CDK3: variants seen among roughly 807,000 people sequenced by gnomAD.
CDK3 encodes the protein cyclin-dependent kinase 3.
In CDK3, 24 loss-of-function variants were observed where a neutral mutation model predicts 30.2. That is an observed-to-expected ratio of 0.79 (90% CI 0.57 to 1.12). CDK3 has a LOEUF of 1.12. CDK3 is among the 50% of genes most tolerant of loss of function. The probability of loss-of-function intolerance (pLI) is 0.00; values close to 1 mark genes in which losing one functional copy is unlikely to be tolerated. For synonymous variants in CDK3, 158 were observed against 154.2 expected, an observed-to-expected ratio of 1.02 and a Z score of -0.18; for missense variants, 345 against 376.0, an observed-to-expected ratio of 0.92 and a Z score of 0.68.
At chr17:76,003,102 A>G in intron 6 of CDK3, 93 bp from the exon 7 acceptor site, 1 of 977,122 alleles carries the variant, frequency 1.0e-6, no homozygotes. Context: ...AGATATCTTG[A>G]CAGGCCTCTC....
At position 76,002,370 on chromosome 17, in the gene CDK3, C is replaced by T. The variant is rs144754110; in HGVS notation, c.438C>T (p.Phe146=). ...NELGAIKLAD[F]GLARAFGVPL... is the part of the protein sequence containing the mutation. ...TGGGTGCCATCAAGCTGGCTGACTT[C>T]GGCCTGGCTCGCGCCTTCGGGGTGC... Residue 146 remains phenylalanine (F), a synonymous_variant, in exon 5 of 8, where the codon TTC becomes TTT. Transcript: ENST00000448471. This position sits in a 1 kb window ranked among gnomAD's most constrained non-coding sequence, Gnocchi z 4.3. 2.6e-4 allele frequency: 419 copies of T among 1,612,466 alleles called. No individual in the cohort carries two copies. Among genetic ancestry groups the T allele is most frequent in the Non-Finnish European group, 3.4e-4 (403 of 1,180,006 alleles).
In CDK3 at chr17:76,005,528, G is replaced by C. The variant is rs1477971725; in HGVS notation, c.*105G>C. On this transcript the variant is annotated 3_prime_UTR_variant, in exon 8 of 8. Coordinates refer to ENST00000448471, the MANE Select transcript of CDK3 (RefSeq NM_001258.4). This position sits in a 1 kb window ranked among gnomAD's most constrained non-coding sequence, Gnocchi z 4.7. Reference sequence around the variant, plus strand: ...CATCTGGGGAGAGCAAAGCACTAAGGAATTCAGCATCAGCCTGCAGAGGGC... The same window carrying C: ...CATCTGGGGAGAGCAAAGCACTAAGCAATTCAGCATCAGCCTGCAGAGGGC... The C allele has an allele frequency of 2.2e-6, 3 of 1,368,934 alleles. No homozygotes were observed. The highest frequency in any genetic ancestry group is 3.0e-6 in the Non-Finnish European group (3 of 1,000,168). 84.8% of individuals were successfully genotyped at this position (1,368,934 alleles called of 1,614,324 possible).
chr17:76,002,477 C>T lies in CDK3; in HGVS notation c.487-34C>T, dbSNP rs1395388878. The T allele has an allele frequency of 6.4e-7, 1 of 1,554,134 alleles. No homozygotes were observed. Among genetic ancestry groups the T allele is most frequent in the Non-Finnish European group, 8.9e-7 (1 of 1,126,104 alleles). Reference sequence around the variant, plus strand: ...GGAGGAGTGTCACCCATGCACTCAGCCACCCTGAGTGATACTGTTTCTTTG... The same window carrying T: ...GGAGGAGTGTCACCCATGCACTCAGTCACCCTGAGTGATACTGTTTCTTTG... On this transcript the variant is annotated intron_variant, in intron 5 of 7. Transcript: ENST00000448471. This position sits in a 1 kb window ranked among gnomAD's most constrained non-coding sequence, Gnocchi z 4.3.
At position 76,001,761 on chromosome 17, in the gene CDK3, C is replaced by T. The variant is rs540466397; in HGVS notation, c.117-113C>T. 1.2e-4 allele frequency: 133 copies of T among 1,077,374 alleles called. No homozygotes were observed. The African/African-American group carries it at 1.8e-3, about 15-fold the overall frequency. The allele number at this position is 1,077,374 out of a possible 1,614,324, so 66.7% of individuals were successfully genotyped here. A position where few individuals can be genotyped will look rare whatever the true frequency, so the allele number is the denominator to read the frequency against. ...TGACGTGCCAAGGAGCACAGGTCTCCATTGCCGGGGCCCTGGTCATTCTGT... is the reference window on the plus strand; with the variant it reads ...TGACGTGCCAAGGAGCACAGGTCTCTATTGCCGGGGCCCTGGTCATTCTGT... On this transcript the variant is annotated intron_variant, in intron 2 of 7. Coordinates refer to ENST00000448471, the MANE Select transcript of CDK3 (RefSeq NM_001258.4). The surrounding 1 kb of genome is among the most constrained non-coding windows in gnomAD (Gnocchi z 6.2).
In CDK3 at chr17:76,005,328, A is replaced by G; in HGVS notation, c.823A>G (p.Ile275Val). ...QLLQYDPSQR[I>V]TAKTALAHPY... Reference sequence around the variant, plus strand: ...CCTGCAGTATGACCCCAGCCAGCGGATCACAGCCAAGACTGCCCTGGCCCA... The same window carrying G: ...CCTGCAGTATGACCCCAGCCAGCGGGTCACAGCCAAGACTGCCCTGGCCCA... The change falls in exon 8 of 8, where the codon ATC becomes GTC. Residue 275 changes from isoleucine to valine, a missense_variant. Coordinates refer to ENST00000448471, the MANE Select transcript of CDK3 (RefSeq NM_001258.4). The surrounding 1 kb of genome is among the most constrained non-coding windows in gnomAD (Gnocchi z 4.7). The G allele has an allele frequency of 6.2e-7, 1 of 1,613,916 alleles. No homozygotes were observed. Among genetic ancestry groups the G allele is most frequent in the Non-Finnish European group, 8.5e-7 (1 of 1,179,884 alleles).
chr17:76,003,686 T>C (rs2066282604), intron 7 of CDK3, among the ~76,000 whole-genome samples: 1 of 152,238 alleles, frequency 6.6e-6, no homozygotes, highest in African/African-American at 2.4e-5. Flanking sequence ...TTCTACTTTG[T>C]GGACATTACT....
chr17:76,001,656 G>A lies in CDK3; in HGVS notation c.116+115G>A. 1 of 975,958 alleles carries A rather than the reference G, an allele frequency of 1.0e-6. No homozygotes were observed. Among genetic ancestry groups the A allele is most frequent in the Non-Finnish European group, 1.5e-6 (1 of 647,478 alleles). The allele number at this position is 975,958 out of a possible 1,614,324, so 60.5% of individuals were successfully genotyped here. On this transcript the variant is annotated intron_variant, in intron 2 of 7. Transcript: ENST00000448471. This position sits in a 1 kb window ranked among gnomAD's most constrained non-coding sequence, Gnocchi z 6.2. Reference sequence around the variant, plus strand: ...GTTTAACTCCTCTGGGTGCTGCCCAGCAGCCCTTACCTGTCCTCTCCCCAG... The same window carrying A: ...GTTTAACTCCTCTGGGTGCTGCCCAACAGCCCTTACCTGTCCTCTCCCCAG...
rs374261083 is a variant in CDK3 at position 76,005,036 on chromosome 17, G to A, written c.793-262G>A. Among the ~76,000 whole-genome samples the A allele has an allele frequency of 2.0e-5, 3 of 152,222 alleles. No individual in the cohort carries two copies. The highest frequency in any genetic ancestry group is 1.9e-4 in the East Asian group (1 of 5,198). On this transcript the variant is annotated intron_variant, in intron 7 of 7. Transcript: ENST00000448471. This position sits in a 1 kb window ranked among gnomAD's most constrained non-coding sequence, Gnocchi z 4.7. ...TCTGTGCTCTTCCCAACTAGAAGCA[G>A]GCTGGGACCTGGGACCCTCCCCGAG...
chr17:76,001,198 T>C lies in CDK3; in HGVS notation c.-14-214T>C. The C allele has an allele frequency of 1.4e-6, 2 of 1,384,998 alleles. No homozygotes were observed. Among genetic ancestry groups the C allele is most frequent in the Non-Finnish European group, 9.4e-7 (1 of 1,067,758 alleles). The allele number at this position is 1,384,998 out of a possible 1,614,324, so 85.8% of individuals were successfully genotyped here. ...GGGTGAAGGGGGCCCCCTGACCCCC[T>C]TGGGGTCCGGGCTGGGCTGGGTGAG... is the stretch of plus-strand genomic sequence containing the variant. On this transcript the variant is annotated intron_variant, in intron 1 of 7. Coordinates refer to ENST00000448471, the MANE Select transcript of CDK3 (RefSeq NM_001258.4). The surrounding 1 kb of genome is among the most constrained non-coding windows in gnomAD (Gnocchi z 6.2).
Position 76,002,425 on chromosome 17 carries a change from T to C in CDK3, c.486+7T>C. On this transcript the variant is annotated splice_region_variant and intron_variant, in intron 5 of 7. Coordinates refer to ENST00000448471, the MANE Select transcript of CDK3 (RefSeq NM_001258.4). The surrounding 1 kb of genome is among the most constrained non-coding windows in gnomAD (Gnocchi z 4.3). ...GCGCACCTACACCCATGAGGTATTG[T>C]GAGACAAAGAGGAGAGAGGGGCAGC... The C allele has an allele frequency of 1.2e-6, 2 of 1,612,238 alleles. No homozygotes were observed. Among genetic ancestry groups the C allele is most frequent in the Non-Finnish European group, 1.7e-6 (2 of 1,179,848 alleles).
At position 76,000,979 on chromosome 17, in the gene CDK3, T is replaced by G. The variant is rs930133086; in HGVS notation, c.-15+12T>G. On this transcript the variant is annotated intron_variant, in intron 1 of 7. Coordinates refer to ENST00000448471, the MANE Select transcript of CDK3 (RefSeq NM_001258.4). This position sits in a 1 kb window ranked among gnomAD's most constrained non-coding sequence, Gnocchi z 5.9. ...GGGCAGTGACCCAGGTGGGAAAGGG[T>G]GGTCTTGCCCTCTAAGGCCCGGCAC... The G allele has an allele frequency of 3.8e-6, 4 of 1,056,258 alleles. No individual in the cohort carries two copies. Among genetic ancestry groups the G allele is most frequent in the Non-Finnish European group, 3.4e-6 (3 of 872,934 alleles). The allele number at this position is 1,056,258 out of a possible 1,614,324, so 65.4% of individuals were successfully genotyped here. A position where few individuals can be genotyped will look rare whatever the true frequency, so the allele number is the denominator to read the frequency against.
In CDK3 at chr17:76,001,808, C is replaced by T. The variant is rs1429292665; in HGVS notation, c.117-66C>T. The T allele has an allele frequency of 6.8e-7, 1 of 1,470,502 alleles. No homozygotes were observed. The highest frequency in any genetic ancestry group is 9.3e-7 in the Non-Finnish European group (1 of 1,070,944). 91.1% of individuals were successfully genotyped at this position (1,470,502 alleles called of 1,614,324 possible). A position where few individuals can be genotyped will look rare whatever the true frequency, so the allele number is the denominator to read the frequency against. On this transcript the variant is annotated intron_variant, in intron 2 of 7. Coordinates refer to ENST00000448471, the MANE Select transcript of CDK3 (RefSeq NM_001258.4). This position sits in a 1 kb window ranked among gnomAD's most constrained non-coding sequence, Gnocchi z 6.2. ...CTGTGGGGTTAAGGAGAAGCCGATC[C>T]CCCTGGCTGGAAGTGCCCTTCTTGG...
chr17:76,001,929 C>A lies in CDK3; in HGVS notation c.172C>A (p.Leu58Met). The A allele has an allele frequency of 6.2e-7, 1 of 1,613,900 alleles. No individual in the cohort carries two copies. Among genetic ancestry groups the A allele is most frequent in the Admixed American group, 1.7e-5 (1 of 60,002 alleles). ...AIREISLLKE[L>M]KHPNIVRLLD... is the part of the protein sequence containing the mutation. The stretch of plus-strand genomic sequence containing the variant: ...CAGGGAGATCTCGCTGCTCAAGGAA[C>A]TGAAGCACCCCAACATCGTCCGGTG... The change falls in exon 3 of 8, where the codon CTG becomes ATG. Residue 58 changes from leucine to methionine, a missense_variant. Transcript: ENST00000448471. This position sits in a 1 kb window ranked among gnomAD's most constrained non-coding sequence, Gnocchi z 6.2.
In CDK3 at chr17:76,001,552, G is replaced by A; in HGVS notation, c.116+11G>A. The stretch of plus-strand genomic sequence containing the variant: ...GATCAGACTGGATTTGTGAGTGCTG[G>A]GACGGCCCCTGAGTTACCCACCCTG... On this transcript the variant is annotated intron_variant, in intron 2 of 7. Coordinates refer to ENST00000448471, the MANE Select transcript of CDK3 (RefSeq NM_001258.4). The surrounding 1 kb of genome is among the most constrained non-coding windows in gnomAD (Gnocchi z 6.2). 1 of 1,611,148 alleles carries A rather than the reference G, an allele frequency of 6.2e-7. No individual in the cohort carries two copies. The highest frequency in any genetic ancestry group is 8.5e-7 in the Non-Finnish European group (1 of 1,177,830).
At position 76,005,765 on chromosome 17, in the gene CDK3, G is replaced by A. The variant is rs1598225654; in HGVS notation, c.*342G>A. ...CCCTGCCTGCAGGGCCAGACCCTGA[G>A]GAAAGGGCGCCCCCTGCTGGTCTTT... On this transcript the variant is annotated 3_prime_UTR_variant, in exon 8 of 8. Coordinates refer to ENST00000448471, the MANE Select transcript of CDK3 (RefSeq NM_001258.4). The surrounding 1 kb of genome is among the most constrained non-coding windows in gnomAD (Gnocchi z 4.7). 1 of 221,540 alleles carries A rather than the reference G, an allele frequency of 4.5e-6. No homozygotes were observed. Among genetic ancestry groups the A allele is most frequent in the East Asian group, 1.0e-4 (1 of 9,844 alleles). 13.7% of individuals were successfully genotyped at this position (221,540 alleles called of 1,614,324 possible). A position where few individuals can be genotyped will look rare whatever the true frequency, so the allele number is the denominator to read the frequency against.
In CDK3 at chr17:76,005,454, C is replaced by G; in HGVS notation, c.*31C>G. 1 of 1,596,470 alleles carries G rather than the reference C, an allele frequency of 6.3e-7. No homozygotes were observed. The highest frequency in any genetic ancestry group is 8.6e-7 in the Non-Finnish European group (1 of 1,167,608). On this transcript the variant is annotated 3_prime_UTR_variant, in exon 8 of 8. Coordinates refer to ENST00000448471, the MANE Select transcript of CDK3 (RefSeq NM_001258.4). This position sits in a 1 kb window ranked among gnomAD's most constrained non-coding sequence, Gnocchi z 4.7. ...TCAAGGCCACACTCAGATCCTTTCTCGAGCAGCTGCTGCCCCAGCTGCCTC... is the reference window on the plus strand; with the variant it reads ...TCAAGGCCACACTCAGATCCTTTCTGGAGCAGCTGCTGCCCCAGCTGCCTC...
chr17:76,001,793 A>T lies in CDK3; in HGVS notation c.117-81A>T. ...GGGGCCCTGGTCATTCTGTGGGGTT[A>T]AGGAGAAGCCGATCCCCCTGGCTGG... On this transcript the variant is annotated intron_variant, in intron 2 of 7. Transcript: ENST00000448471. This position sits in a 1 kb window ranked among gnomAD's most constrained non-coding sequence, Gnocchi z 6.2. The T allele has an allele frequency of 7.5e-7, 1 of 1,340,496 alleles. No homozygotes were observed. Among genetic ancestry groups the T allele is most frequent in the Non-Finnish European group, 1.0e-6 (1 of 969,376 alleles). The allele number at this position is 1,340,496 out of a possible 1,614,324, so 83.0% of individuals were successfully genotyped here.
Position 76,001,324 on chromosome 17 carries a change from G to GGCTGGGCTGT in CDK3, c.-14-81_-14-80insTGTGCTGGGC, listed in dbSNP as rs896872739. ...GAGCTGGGCAGTCTGGGCTGGGCTG[G>GGCTGGGCTGT]GCTGGGCAGGGCGCCACATGGAAGC... On this transcript the variant is annotated intron_variant, in intron 1 of 7. Transcript: ENST00000448471. This position sits in a 1 kb window ranked among gnomAD's most constrained non-coding sequence, Gnocchi z 6.2. The GGCTGGGCTGT allele has an allele frequency of 1.3e-6, 2 of 1,574,218 alleles. No individual in the cohort carries two copies. Among genetic ancestry groups the GGCTGGGCTGT allele is most frequent in the Non-Finnish European group, 1.7e-6 (2 of 1,163,000 alleles).
At chr17:76,003,073 C>A (rs2066276206) in intron 6 of CDK3, 122 bp from the exon 7 acceptor site, 6 of 793,526 alleles carry the variant, frequency 7.6e-6, no homozygotes, top group Admixed American at 2.2e-5. Flanking sequence ...GGCCAGAATT[C>A]TTTGCACAGT....
Sources: gnomAD v4.1 joint callset for allele counts (sites outside exome capture counted in the v4.1 genomes callset) on GRCh38, gnomAD v4.1.1 for gene constraint, Gnocchi (gnomAD v3.1) non-coding constraint, MANE v1.5 for transcripts, NCBI Gene and HGNC (gene_info 2026-07-23, HGNC 2026-07-21) for gene names.